Variants in ZNF280D observed in about 807,000 individuals in gnomAD.
ZNF280D encodes the protein zinc finger protein 280D.
In ZNF280D, 39 loss-of-function variants were observed where a neutral mutation model predicts 94.7. The ratio of observed to expected loss-of-function variants is 0.41; its 90% CI spans 0.32 to 0.54. The LOEUF (loss-of-function observed/expected upper bound fraction) is 0.54, where lower values mean the gene tolerates loss of function less well. Ranked by LOEUF, ZNF280D falls within the 20% of genes least tolerant of loss-of-function variation. The pLI is 0.22. For missense variants in ZNF280D, 1,090 were observed against 1,149.3 expected, an observed-to-expected ratio of 0.95 and a Z score of 0.75; for synonymous variants, 398 against 377.6, an observed-to-expected ratio of 1.05 and a Z score of -0.63.
intron 1 of ZNF280D, among the ~76,000 whole-genome samples, chr15:56,711,814 A>T (rs1255630227): frequency 6.6e-6 from 1 of 152,248 alleles, no homozygotes; most frequent in Non-Finnish European, 1.5e-5. Flanking sequence ...ATGATTTTGT[A>T]GTTGTGAGAA....
intron 1 of ZNF280D, among the ~76,000 whole-genome samples, chr15:56,723,770 A>G (rs1221587124): frequency 6.6e-6 from 1 of 152,116 alleles, no homozygotes; most frequent in Non-Finnish European, 1.5e-5. Context: ...AGTGAAATAG[A>G]TTTACTTTAT....
chr15:56,670,611 T>C (rs1204592310), intron 13 of ZNF280D, among the ~76,000 whole-genome samples: 4 of 152,102 alleles, frequency 2.6e-5, no homozygotes, highest in Non-Finnish European at 4.4e-5. Context: ...TCTAGGCTGA[T>C]TGCATGTCTT....
At position 56,673,856 on chromosome 15, in the gene ZNF280D, G is replaced by A. The variant is rs552758771; in HGVS notation, c.1410+2814C>T. ...CTTACTCCTTTATATCCTTCAGAGA[G>A]GCCCATGTTTGAACATTCTTTATAC... is the stretch of plus-strand genomic sequence containing the variant. On this transcript the variant is annotated intron_variant, in intron 13 of 21. Transcript: ENST00000267807. 5.3e-5 allele frequency among the ~76,000 whole-genome samples: 8 copies of A among 152,056 alleles called. No individual in the cohort carries two copies. In the East Asian group the frequency reaches 1.5e-3, roughly 29 times the overall value.
At position 56,631,630 on chromosome 15, in the gene ZNF280D, C is replaced by T; in HGVS notation, c.2808G>A (p.Gln936=). ...VLEYEATEIL[Q]KGSGDPSAKT... is the part of the protein sequence containing the mutation. ...TGGCTGAAGGATCACCACTACCTTT[C>T]TGAAGAATCTCTGTGGCTTCATACT... The change falls in exon 22 of 22, where the codon CAG becomes CAA. Residue 936 remains glutamine (Q), a synonymous_variant. Coordinates refer to ENST00000267807, the MANE Select transcript of ZNF280D (RefSeq NM_017661.4). The T allele has an allele frequency of 6.2e-7, 1 of 1,614,164 alleles. No homozygotes were observed. The highest frequency in any genetic ancestry group is 2.2e-5 in the East Asian group (1 of 44,880).
At chr15:56,685,243 A>C (rs2055919090) in intron 9 of ZNF280D, among the ~76,000 whole-genome samples, 1 of 152,206 alleles carries the variant, frequency 6.6e-6, no homozygotes, top group South Asian at 2.1e-4. Flanking sequence ...AACTTCAGCC[A>C]AACAGAAAAC....
In ZNF280D at chr15:56,666,463, C is replaced by T. The variant is rs778824361; in HGVS notation, c.1926G>A (p.Thr642=). 124 of 1,601,552 alleles carry T rather than the reference C, an allele frequency of 7.7e-5. No homozygotes were observed. Among genetic ancestry groups the T allele is most frequent in the Non-Finnish European group, 1.0e-4 (122 of 1,176,670 alleles). Reference sequence around the variant, plus strand: ...ATCTGCAAAAACTACAGTGGACGTACGTAGGAAAGTGGTTTGCAAAATCTT... The same window carrying T: ...ATCTGCAAAAACTACAGTGGACGTATGTAGGAAAGTGGTTTGCAAAATCTT... The part of the protein sequence containing the change: ...EIKDFANHFP[T]YVHCSFCRYN... Residue 642 remains threonine (T), a synonymous_variant, in exon 16 of 22, where the codon ACG becomes ACA. Transcript: ENST00000267807.
chr15:56,655,531 G>A (rs2053495259), intron 17 of ZNF280D, among the ~76,000 whole-genome samples: 1 of 152,190 alleles, frequency 6.6e-6, no homozygotes, highest in Admixed American at 6.5e-5. Flanking sequence ...TAAATGAAAT[G>A]TGTAATTATT....
chr15:56,708,333 T>C (rs775729261), intron 1 of ZNF280D, among the ~76,000 whole-genome samples: 6 of 152,302 alleles, frequency 3.9e-5, no homozygotes, highest in Admixed American at 3.3e-4. Context: ...AGTTCTAAAG[T>C]TGTACTATTA....
chr15:56,648,362 C>A (rs2053019850), intron 19 of ZNF280D, among the ~76,000 whole-genome samples: 1 of 151,930 alleles, frequency 6.6e-6, no homozygotes, highest in African/African-American at 2.4e-5. Flanking sequence ...AACTGGTATG[C>A]TAGATTACTG....
chr15:56,634,497 T>C (rs1317172569), intron 21 of ZNF280D, among the ~76,000 whole-genome samples: 1 of 152,150 alleles, frequency 6.6e-6, no homozygotes, highest in Non-Finnish European at 1.5e-5. Context: ...TATTGAAGTA[T>C]AAGAAACACC....
Position 56,632,018 on chromosome 15 carries a change from T to C in ZNF280D, c.2420A>G (p.Asp807Gly). 2 of 1,614,020 alleles carry C rather than the reference T, an allele frequency of 1.2e-6. No homozygotes were observed. The highest frequency in any genetic ancestry group is 1.7e-6 in the Non-Finnish European group (2 of 1,180,000). ...TGCAAGACAGGTTTCATTTTCCTTA[T>C]CTGAAACTGTTATGCTTTCTTCACT... ...TKSEESITVS[D>G]KENETCLADQ... The change falls in exon 22 of 22, where the codon GAT becomes GGT. Residue 807 changes from aspartate to glycine, a missense_variant. Coordinates refer to ENST00000267807, the MANE Select transcript of ZNF280D (RefSeq NM_017661.4).
At chr15:56,637,636 C>T (rs1054940563) in intron 20 of ZNF280D, among the ~76,000 whole-genome samples, 2 of 152,052 alleles carry the variant, frequency 1.3e-5, no homozygotes, top group East Asian at 1.9e-4. Flanking sequence ...TCATATCATC[C>T]GTTTCCAAAG....
intron 9 of ZNF280D, among the ~76,000 whole-genome samples, chr15:56,688,489 CAA>C (rs55861049): frequency 0.029 from 2,222 of 76,574 alleles, 12 homozygotes; most frequent in Middle Eastern, 0.054. Context: ...GACTCCGTCT[CAA>C]AAAAAAAAAA....
In ZNF280D at chr15:56,733,466, G is replaced by A; in HGVS notation, c.-94C>T. 1 of 1,092,754 alleles carries A rather than the reference G, an allele frequency of 9.2e-7. No individual in the cohort carries two copies. Among genetic ancestry groups the A allele is most frequent in the African/African-American group, 1.7e-5 (1 of 57,862 alleles). 67.7% of individuals were successfully genotyped at this position (1,092,754 alleles called of 1,614,324 possible). ...GGCGGGGGGGCGCTTACCGTGAGCG[G>A]AGCGGATCGGCCTGACTGGAGCCCT... On this transcript the variant is annotated 5_prime_UTR_variant, in exon 1 of 22. Coordinates refer to ENST00000267807, the MANE Select transcript of ZNF280D (RefSeq NM_017661.4).
At chr15:56,731,748 G>A (rs2058902449) in intron 1 of ZNF280D, among the ~76,000 whole-genome samples, 1 of 152,138 alleles carries the variant, frequency 6.6e-6, no homozygotes, top group African/African-American at 2.4e-5. Flanking sequence ...AAAACAGAAT[G>A]TGAGATAAGT....
intron 14 of ZNF280D, among the ~76,000 whole-genome samples, chr15:56,668,498 T>G (rs1415169023): frequency 6.6e-6 from 1 of 152,058 alleles, no homozygotes; most frequent in Non-Finnish European, 1.5e-5. Context: ...CTCAAGCATC[T>G]TATAGTTTAG....
chr15:56,723,616 G>A (rs2058484708), intron 1 of ZNF280D, among the ~76,000 whole-genome samples: 1 of 151,978 alleles, frequency 6.6e-6, no homozygotes, highest in African/African-American at 2.4e-5. Flanking sequence ...TTGAATCCCT[G>A]GAGGTTTTTT....
At chr15:56,661,037 C>A (rs1319775498) in intron 16 of ZNF280D, among the ~76,000 whole-genome samples, 5 of 151,966 alleles carry the variant, frequency 3.3e-5, no homozygotes, top group Non-Finnish European at 7.4e-5. Flanking sequence ...TTTGCTAAAT[C>A]AATGAATACA....
intron 6 of ZNF280D, chr15:56,697,762 T>A (rs1317986995): frequency 6.6e-6 from 1 of 152,160 alleles, no homozygotes; most frequent in Non-Finnish European, 1.5e-5. Context: ...GAATATTTTA[T>A]AATATTTATT....
Sources: allele counts gnomAD v4.1 joint callset (sites outside exome capture counted in the v4.1 genomes callset), GRCh38; gene constraint gnomAD v4.1.1; transcripts MANE v1.5; gene names NCBI Gene and HGNC (gene_info 2026-07-23, HGNC 2026-07-21).